UTS2: variants seen among roughly 807,000 people sequenced by gnomAD.
The protein encoded by UTS2 is urotensin 2, also known as urotensin-2.
UTS2 carries 10 observed loss-of-function variants against 12.6 expected under a neutral mutation model. That is an observed-to-expected ratio of 0.80 (90% CI 0.49 to 1.35). The LOEUF is 1.35. Ranked by LOEUF, UTS2 falls within the 40% of genes most tolerant of loss-of-function variation. UTS2 has a pLI of 0.00. For synonymous variants in UTS2, 52 were observed against 50.0 expected (o/e 1.04, Z -0.17); for missense variants, 142 against 143.2 (o/e 0.99, Z 0.04).
At chr1:7,897,260 T>G in the UTS2 span, among the ~76,000 whole-genome samples, 2 of 152,244 alleles carry the variant, frequency 1.3e-5, no homozygotes, top group South Asian at 4.1e-4. Flanking sequence ...GGTCAACTTC[T>G]TTTTCCTTCT....
chr1:7,882,131 T>G, the UTS2 span, among the ~76,000 whole-genome samples: 1 of 151,754 alleles, frequency 6.6e-6, no homozygotes, highest in African/African-American at 2.4e-5. Context: ...GCCCTGGAGA[T>G]CAAGACAAGC....
the UTS2 span, among the ~76,000 whole-genome samples, chr1:7,888,145 G>A: frequency 6.6e-6 from 1 of 152,318 alleles, no homozygotes; most frequent in East Asian, 1.9e-4. Flanking sequence ...TCATTTCGTT[G>A]TTGGGCCACA....
chr1:7,855,499 G>C (rs895769528), upstream of UTS2, among the ~76,000 whole-genome samples: 1 of 152,114 alleles, frequency 6.6e-6, no homozygotes, highest in Non-Finnish European at 1.5e-5. Flanking sequence ...CAGGAGGATA[G>C]CTTCAACCTG....
At chr1:7,878,952 G>A in the UTS2 span, among the ~76,000 whole-genome samples, 1 of 152,120 alleles carries the variant, frequency 6.6e-6, no homozygotes, top group East Asian at 1.9e-4. Context: ...GATCAATTCA[G>A]CAAGAAGATA....
chr1:7,911,051 G>A, the UTS2 span, among the ~76,000 whole-genome samples: 3 of 151,938 alleles, frequency 2.0e-5, no homozygotes, highest in Admixed American at 6.6e-5. Context: ...TACATCAAAG[G>A]GAAGCCCAGG....
At chr1:7,879,927 A>T in the UTS2 span, among the ~76,000 whole-genome samples, 32 of 152,346 alleles carry the variant, frequency 2.1e-4, no homozygotes, top group Non-Finnish European at 4.0e-4. Flanking sequence ...GAAAAACAAG[A>T]ACAAGCCAAA....
At chr1:7,896,243 A>T in the UTS2 span, among the ~76,000 whole-genome samples, 6 of 152,094 alleles carry the variant, frequency 3.9e-5, no homozygotes, top group South Asian at 1.2e-3. Context: ...TAAGTGGGGA[A>T]GGGATGTTTA....
At chr1:7,874,706 G>T in the UTS2 span, among the ~76,000 whole-genome samples, 1 of 152,176 alleles carries the variant, frequency 6.6e-6, no homozygotes, top group Non-Finnish European at 1.5e-5. Flanking sequence ...GATATGGTTT[G>T]GCTGTGTCCC....
chr1:7,860,040 C>A, the UTS2 span, among the ~76,000 whole-genome samples: 2 of 151,934 alleles, frequency 1.3e-5, no homozygotes, highest in African/African-American at 4.8e-5. Flanking sequence ...GAGGAGACGA[C>A]AAGGGTGTTT....
chr1:7,848,700 TG>T (rs953529938), intron 3 of UTS2, among the ~76,000 whole-genome samples: 24 of 151,970 alleles, frequency 1.6e-4, no homozygotes, highest in African/African-American at 5.8e-4. Flanking sequence ...TTGTATTTTT[TG>T]TAGAGACGGG....
the UTS2 span, among the ~76,000 whole-genome samples, chr1:7,872,719 C>A: frequency 2.5e-4 from 38 of 152,260 alleles, 2 homozygotes; most frequent in African/African-American, 9.1e-4. Flanking sequence ...CGTAAAAGTG[C>A]AAAATGAAGC....
chr1:7,853,158 G>C, upstream of UTS2: 1 of 1,486,094 alleles, frequency 6.7e-7, no homozygotes, highest in Non-Finnish European at 8.9e-7. Flanking sequence ...ATTGGCTATG[G>C]AGGCTAAAAG....
chr1:7,903,931 A>G, the UTS2 span, among the ~76,000 whole-genome samples: 1 of 152,178 alleles, frequency 6.6e-6, no homozygotes, highest in Non-Finnish European at 1.5e-5. Flanking sequence ...GGATTTCAAA[A>G]ACGAACTTCA....
chr1:7,895,679 C>T, the UTS2 span, among the ~76,000 whole-genome samples: 5 of 152,170 alleles, frequency 3.3e-5, no homozygotes, highest in South Asian at 1.0e-3. Flanking sequence ...CCAATCTCAA[C>T]TTTTTACTCA....
chr1:7,864,539 C>T, the UTS2 span, among the ~76,000 whole-genome samples: 22,620 of 152,230 alleles, frequency 0.15, 1,871 homozygotes, highest in Middle Eastern at 0.25. Flanking sequence ...GAAGGACTGA[C>T]GTCTGTCAGC....
chr1:7,857,888 G>C (rs537895815), upstream of UTS2, among the ~76,000 whole-genome samples: 1 of 150,258 alleles, frequency 6.7e-6, no homozygotes, highest in African/African-American at 2.4e-5. Flanking sequence ...TACATTGTCT[G>C]TCTGTGTATT....
the UTS2 span, among the ~76,000 whole-genome samples, chr1:7,890,521 A>G: frequency 6.6e-6 from 1 of 152,166 alleles, no homozygotes; most frequent in African/African-American, 2.4e-5. Context: ...CAAGGAACAC[A>G]TCCTAGGGAG....
chr1:7,855,682 CATT>C (rs35860049), upstream of UTS2, among the ~76,000 whole-genome samples: 127,863 of 147,566 alleles, frequency 0.87, 55,633 homozygotes, highest in East Asian at 0.93. Flanking sequence ...CACATCTGGC[CATT>C]ATTATTATTA....
At chr1:7,912,623 T>G in the UTS2 span, among the ~76,000 whole-genome samples, 1 of 152,034 alleles carries the variant, frequency 6.6e-6, no homozygotes, top group Non-Finnish European at 1.5e-5. Context: ...CCGGCTAACT[T>G]TTTTATATTT....
Sources: gnomAD v4.1 joint callset for allele counts (sites outside exome capture counted in the v4.1 genomes callset) on GRCh38, gnomAD v4.1.1 for gene constraint, MANE v1.5 for transcripts, NCBI Gene and HGNC (gene_info 2026-07-23, HGNC 2026-07-21) for gene names.